Variants in SHC3 observed in about 807,000 individuals in gnomAD.
The protein encoded by SHC3 is SHC adaptor protein 3, also known as SHC-transforming protein 3.
Under a neutral mutation model 60.4 loss-of-function variants are expected in SHC3, and 15 were observed. The ratio of observed to expected loss-of-function variants is 0.25; its 90% CI spans 0.17 to 0.38. The LOEUF (loss-of-function observed/expected upper bound fraction) is 0.38. SHC3 is among the 10% of genes least tolerant of loss of function. The pLI is 1.00. For missense variants in SHC3, 677 were observed against 786.1 expected, an observed-to-expected ratio of 0.86 and a Z score of 1.66; for synonymous variants, 294 against 325.9, an observed-to-expected ratio of 0.90 and a Z score of 1.05.
chr9:89,035,679 A>G (rs1409902783), intron 11 of SHC3, among the ~76,000 whole-genome samples: 1 of 151,886 alleles, frequency 6.6e-6, no homozygotes, highest in Non-Finnish European at 1.5e-5. Context: ...AGCCTCGGCC[A>G]GGTGTGGTGG....
At chr9:89,059,403 A>G (rs1825027687) in intron 6 of SHC3, among the ~76,000 whole-genome samples, 2 of 124,728 alleles carry the variant, frequency 1.6e-5, no homozygotes, top group South Asian at 5.9e-4. Flanking sequence ...GCAGTAGAGG[A>G]TGATGGTGGA....
At chr9:89,108,540 T>TCC (rs1825898856) in intron 2 of SHC3, among the ~76,000 whole-genome samples, 1 of 148,042 alleles carries the variant, frequency 6.8e-6, no homozygotes, top group Non-Finnish European at 1.5e-5. Context: ...TGCATATACA[T>TCC]ACACACACAC....
chr9:89,175,774 T>G (rs1005790206), intron 1 of SHC3, among the ~76,000 whole-genome samples: 2 of 152,240 alleles, frequency 1.3e-5, no homozygotes, highest in Non-Finnish European at 2.9e-5. Context: ...CAGAAATCTT[T>G]TAAAGTAAGG....
intron 9 of SHC3, among the ~76,000 whole-genome samples, chr9:89,045,305 G>T (rs933896970): frequency 5.4e-5 from 8 of 149,192 alleles, no homozygotes; most frequent in Non-Finnish European, 1.2e-4. Flanking sequence ...TTTGAGATGG[G>T]GTTTTGCTGT....
rs1002378980 is a variant in SHC3, at chr9:89,006,127, T to C, written c.*7320A>G. 9.9e-5 allele frequency: 15 copies of C among 152,218 alleles called. No individual in the cohort carries two copies. Among genetic ancestry groups the C allele is most frequent in the Non-Finnish European group, 2.1e-4 (14 of 68,046 alleles). 9.4% of individuals were successfully genotyped at this position (152,218 alleles called of 1,614,324 possible). A position where few individuals can be genotyped will look rare whatever the true frequency, so the allele number is the denominator to read the frequency against. On this transcript the variant is annotated 3_prime_UTR_variant, in exon 12 of 12. Transcript: ENST00000375835. ...AACAAGAAGTGCAGCATTACCTAAA[T>C]TGGGTGTGTCATCTTCCCCTCCTGG...
chr9:89,025,591 T>C (rs1320197571), intron 11 of SHC3, among the ~76,000 whole-genome samples: 3 of 152,074 alleles, frequency 2.0e-5, no homozygotes, highest in African/African-American at 7.2e-5. Context: ...CAGGCCATGA[T>C]GGGAAGTGGG....
intron 1 of SHC3, among the ~76,000 whole-genome samples, chr9:89,129,585 A>G (rs1369468876): frequency 6.6e-6 from 1 of 152,234 alleles, no homozygotes; most frequent in Non-Finnish European, 1.5e-5. Flanking sequence ...AAGCCAGAAG[A>G]GAGTGGGGGC....
rs558215175 is a variant in SHC3 at position 89,109,187 on chromosome 9, T to C, written c.545+3369A>G. Reference sequence around the variant, plus strand: ...CAGCCTGTCTTAATACTGCACAATATGCATTGTTTCCATCCCCAAATGAAC... The same window carrying C: ...CAGCCTGTCTTAATACTGCACAATACGCATTGTTTCCATCCCCAAATGAAC... On this transcript the variant is annotated intron_variant, in intron 2 of 11. Coordinates refer to ENST00000375835, the MANE Select transcript of SHC3 (RefSeq NM_016848.6). 1.1e-5 allele frequency: 10 copies of C among 949,030 alleles called. No homozygotes were observed. In the East Asian group the frequency reaches 8.1e-4, roughly 77 times the overall value. The allele number at this position is 949,030 out of a possible 1,614,324, so 58.8% of individuals were successfully genotyped here.
In SHC3 at chr9:89,028,731, ATTCTC is replaced by A. The variant is rs879510675; in HGVS notation, c.1656+9257_1656+9261del. ...ATATATATCTATATAGAGAATATAT[ATTCTC>A]TATATAGATATATATTCTCTCTATA... On this transcript the variant is annotated intron_variant, in intron 11 of 11. Transcript: ENST00000375835. Among the ~76,000 whole-genome samples the A allele has an allele frequency of 4.3e-3, 628 of 144,746 alleles. 15 individuals carry two copies. The highest frequency in any genetic ancestry group is 0.037 in the Admixed American group (541 of 14,482). 95.0% of individuals were successfully genotyped at this position (144,746 alleles called of 152,430 possible).
chr9:89,036,819 C>T (rs547278837), intron 11 of SHC3, among the ~76,000 whole-genome samples: 1 of 152,244 alleles, frequency 6.6e-6, no homozygotes, highest in South Asian at 2.1e-4. Context: ...TCAGGGCAGC[C>T]TTGACCTACG....
At chr9:89,046,533 T>C (rs1824778194) in intron 8 of SHC3, among the ~76,000 whole-genome samples, 1 of 152,088 alleles carries the variant, frequency 6.6e-6, no homozygotes, top group African/African-American at 2.4e-5. Flanking sequence ...CTTTTTAAAA[T>C]CTTAAATTCT....
At chr9:89,144,562 A>T (rs1826440686) in intron 1 of SHC3, among the ~76,000 whole-genome samples, 1 of 152,240 alleles carries the variant, frequency 6.6e-6, no homozygotes, top group South Asian at 2.1e-4. Context: ...ACATCACATT[A>T]GACCTAACTC....
intron 1 of SHC3, among the ~76,000 whole-genome samples, chr9:89,165,541 A>AAT (rs1826775015): frequency 6.6e-6 from 1 of 151,858 alleles, no homozygotes; most frequent in South Asian, 2.1e-4. Context: ...AAAAAAAAAA[A>AAT]AATGGTGAGG....
intron 1 of SHC3, among the ~76,000 whole-genome samples, chr9:89,130,676 A>C (rs1826231442): frequency 6.6e-6 from 1 of 152,248 alleles, no homozygotes; most frequent in African/African-American, 2.4e-5. Context: ...CTGGGTACAT[A>C]ATGAAATGAA....
intron 6 of SHC3, among the ~76,000 whole-genome samples, chr9:89,057,315 CTTTTTTTTTTTTT>C (rs10606274): frequency 1.2e-4 from 16 of 133,750 alleles, no homozygotes; most frequent in Non-Finnish European, 2.1e-4. Context: ...TTTCCTTTTT[CTTTTTTTTTTTTT>C]TTTTTTTAAT....
chr9:89,109,132 C>T (rs1825908556), intron 2 of SHC3: 3 of 985,308 alleles, frequency 3.0e-6, no homozygotes, highest in African/African-American at 1.7e-5. Flanking sequence ...AAATCCTCTA[C>T]AAACAACATA....
At position 89,118,567 on chromosome 9, in the gene SHC3, G is replaced by A. The variant is rs117491678; in HGVS notation, c.475-5941C>T. Among the ~76,000 whole-genome samples, 12 of 151,914 alleles carry A rather than the reference G, an allele frequency of 7.9e-5. No homozygotes were observed. In the East Asian group the frequency reaches 2.1e-3, roughly 27 times the overall value. On this transcript the variant is annotated intron_variant, in intron 1 of 11. Coordinates refer to ENST00000375835, the MANE Select transcript of SHC3 (RefSeq NM_016848.6). The stretch of plus-strand genomic sequence containing the variant: ...AAGAAACATGCACTCATGGACCACA[G>A]TTGCCTAATTTCAGACACACAGATC...
chr9:89,137,413 G>A (rs1334489155), intron 1 of SHC3, among the ~76,000 whole-genome samples: 1 of 152,068 alleles, frequency 6.6e-6, no homozygotes, highest in African/African-American at 2.4e-5. Flanking sequence ...ACTGCAATAA[G>A]CCTTAGATAC....
At chr9:89,160,582 T>C (rs1236449339) in intron 1 of SHC3, among the ~76,000 whole-genome samples, 4 of 152,200 alleles carry the variant, frequency 2.6e-5, no homozygotes, top group African/African-American at 7.2e-5. Flanking sequence ...CATAAATCCA[T>C]GTAATTTTAA....
Sources: allele counts gnomAD v4.1 joint callset (sites outside exome capture counted in the v4.1 genomes callset), GRCh38; gene constraint gnomAD v4.1.1; transcripts MANE v1.5; gene names NCBI Gene and HGNC (gene_info 2026-07-23, HGNC 2026-07-21).